The following GRID2 variants were observed in gnomAD, a reference collection of about 807,000 sequenced individuals.
GRID2 encodes glutamate receptor ionotropic, delta-2.
GRID2 carries 33 observed loss-of-function variants against 114.8 expected under a neutral mutation model. That is an observed-to-expected ratio of 0.29 (90% CI 0.22 to 0.38). The LOEUF is 0.38. GRID2 is among the 10% of genes least tolerant of loss of function. The probability of loss-of-function intolerance (pLI) is 1.00; values close to 1 mark genes in which losing one functional copy is unlikely to be tolerated. For synonymous variants in GRID2, 505 were observed against 449.9 expected (o/e 1.12, Z -1.55); for missense variants, 1,184 against 1,257.7 (o/e 0.94, Z 0.89).
chr4:93,476,177 T>G (rs1313887103), intron 11 of GRID2, among the ~76,000 whole-genome samples: 2 of 152,178 alleles, frequency 1.3e-5, no homozygotes, highest in African/African-American at 4.8e-5. Flanking sequence ...TTGTTTACTT[T>G]ATTGGTGAGC....
At chr4:93,559,416 A>T (rs1221229590) in intron 13 of GRID2, among the ~76,000 whole-genome samples, 3 of 152,246 alleles carry the variant, frequency 2.0e-5, no homozygotes, top group Non-Finnish European at 4.4e-5. Context: ...AAAGTAGGTA[A>T]AGGATATGAA....
At chr4:93,054,064 G>A (rs1282681012) in intron 2 of GRID2, among the ~76,000 whole-genome samples, 1 of 151,828 alleles carries the variant, frequency 6.6e-6, no homozygotes, top group Non-Finnish European at 1.5e-5. Context: ...TATATTAAAA[G>A]CATTTTTTGT....
chr4:93,693,710 A>G (rs1292509667), intron 14 of GRID2, among the ~76,000 whole-genome samples: 2 of 152,180 alleles, frequency 1.3e-5, no homozygotes, highest in Non-Finnish European at 2.9e-5. Flanking sequence ...AAACTAAGAG[A>G]TTTAATTTTC....
chr4:93,211,492 C>G (rs1233392244), intron 5 of GRID2, among the ~76,000 whole-genome samples: 1 of 151,978 alleles, frequency 6.6e-6, no homozygotes, highest in South Asian at 2.1e-4. Flanking sequence ...TCCATATAAA[C>G]AAAGCAATCT....
Position 92,954,226 on chromosome 4 carries a change from T to C in GRID2, c.245-130769T>C, listed in dbSNP as rs1440412111. Among the ~76,000 whole-genome samples, 4 of 151,802 alleles carry C rather than the reference T, an allele frequency of 2.6e-5. No individual in the cohort carries two copies. In the South Asian group the frequency reaches 6.2e-4, roughly 24 times the overall value. ...GTATATATGTATACACACAAACATATACACACACATATATATATACAAACA... is the reference window on the plus strand; with the variant it reads ...GTATATATGTATACACACAAACATACACACACACATATATATATACAAACA... On this transcript the variant is annotated intron_variant, in intron 2 of 15. Transcript: ENST00000282020.
intron 11 of GRID2, among the ~76,000 whole-genome samples, chr4:93,485,286 T>C (rs530848033): frequency 1.1e-3 from 170 of 152,004 alleles, no homozygotes; most frequent in Middle Eastern, 0.01. Context: ...TTAATATTTA[T>C]TGATGATTTT....
chr4:93,645,295 A>G (rs1002828980), intron 14 of GRID2, among the ~76,000 whole-genome samples: 1 of 152,162 alleles, frequency 6.6e-6, no homozygotes, highest in Non-Finnish European at 1.5e-5. Flanking sequence ...AACTGGTTTG[A>G]GAGTGAAAGT....
intron 1 of GRID2, among the ~76,000 whole-genome samples, chr4:92,528,592 G>C (rs1480666168): frequency 6.6e-6 from 1 of 151,682 alleles, no homozygotes; most frequent in African/African-American, 2.4e-5. Context: ...GCATTCTCAG[G>C]GTATACTGGG....
At chr4:92,738,524 C>G (rs1174635613) in intron 2 of GRID2, among the ~76,000 whole-genome samples, 2 of 152,132 alleles carry the variant, frequency 1.3e-5, no homozygotes, top group Admixed American at 1.3e-4. Flanking sequence ...AATGTATTTT[C>G]TAAGTTACAT....
rs1766857560 is a variant in GRID2 at position 93,409,273 on chromosome 4, G to A, written c.1348-13498G>A. ...TCCTGAATACCCAGAGGTAAAGATT[G>A]GTATAGCAACTTAAAAAAGGGAAGG... On this transcript the variant is annotated intron_variant, in intron 9 of 15. Transcript: ENST00000282020. 2.6e-5 allele frequency among the ~76,000 whole-genome samples: 4 copies of A among 152,108 alleles called. No homozygotes were observed. In the South Asian group the frequency reaches 8.3e-4, roughly 32 times the overall value.
chr4:93,204,019 A>G (rs961042786), intron 4 of GRID2: 1 of 152,270 alleles, frequency 6.6e-6, no homozygotes, highest in Non-Finnish European at 1.5e-5. Flanking sequence ...GCAGAAGGAG[A>G]GAATGGATTT....
At chr4:92,697,835 G>C (rs1734492782) in intron 2 of GRID2, among the ~76,000 whole-genome samples, 1 of 152,086 alleles carries the variant, frequency 6.6e-6, no homozygotes, top group African/African-American at 2.4e-5. Context: ...TGCACCATTT[G>C]AAACAAAACC....
chr4:92,599,306 GC>G (rs1729093923), intron 2 of GRID2, among the ~76,000 whole-genome samples: 1 of 152,106 alleles, frequency 6.6e-6, no homozygotes, highest in African/African-American at 2.4e-5. Context: ...CTGAGTCATA[GC>G]TAAATGGAAT....
intron 14 of GRID2, among the ~76,000 whole-genome samples, chr4:93,749,811 A>G (rs979162388): frequency 5.9e-5 from 9 of 152,218 alleles, no homozygotes; most frequent in Non-Finnish European, 1.0e-4. Context: ...AAAACAAAAC[A>G]AAAAAGTCTT....
chr4:93,034,781 C>T (rs1560814656), intron 2 of GRID2, among the ~76,000 whole-genome samples: 1 of 152,156 alleles, frequency 6.6e-6, no homozygotes, highest in Non-Finnish European at 1.5e-5. Flanking sequence ...TTAAACCCAA[C>T]TTAGAACATA....
intron 2 of GRID2, among the ~76,000 whole-genome samples, chr4:92,997,153 G>A (rs1159121450): frequency 2.0e-5 from 3 of 152,172 alleles, no homozygotes; most frequent in Non-Finnish European, 4.4e-5. Context: ...TGATACAGTA[G>A]GAGTTATGTG....
At chr4:92,471,361 C>T (rs1400595156) in intron 1 of GRID2, among the ~76,000 whole-genome samples, 3 of 152,026 alleles carry the variant, frequency 2.0e-5, no homozygotes, top group Non-Finnish European at 4.4e-5. Context: ...CCTTGTACAA[C>T]CCTTTCATTT....
chr4:93,758,692 ACTC>A (rs1732964003), intron 14 of GRID2, among the ~76,000 whole-genome samples: 9 of 152,312 alleles, frequency 5.9e-5, no homozygotes, highest in Middle Eastern at 6.8e-3. Context: ...TAATTGTCAG[ACTC>A]AAGGATATGA....
At chr4:93,555,664 C>A (rs374845420) in intron 13 of GRID2, among the ~76,000 whole-genome samples, 1 of 152,156 alleles carries the variant, frequency 6.6e-6, no homozygotes, top group African/African-American at 2.4e-5. Context: ...GGGGAAGGGG[C>A]GGCTGTGAAG....
Sources: gnomAD v4.1 joint callset for allele counts (sites outside exome capture counted in the v4.1 genomes callset) on GRCh38, gnomAD v4.1.1 for gene constraint, MANE v1.5 for transcripts, NCBI Gene and HGNC (gene_info 2026-07-23, HGNC 2026-07-21) for gene names.